The following AIG1 variants were observed in gnomAD, a reference collection of about 807,000 sequenced individuals.
AIG1 encodes androgen-induced gene 1 protein.
In AIG1, 23 loss-of-function variants were observed where a neutral mutation model predicts 31.4. The observed-to-expected ratio is 0.73, with a 90% CI of 0.53 to 1.04. The LOEUF (loss-of-function observed/expected upper bound fraction) is 1.04, where lower values mean the gene tolerates loss of function less well. AIG1 is among the 50% of genes least tolerant of loss of function. The pLI is 0.00. For synonymous variants in AIG1, 100 were observed against 110.5 expected (o/e 0.90, Z 0.60); for missense variants, 274 against 295.0 (o/e 0.93, Z 0.52).
At chr6:143,294,167 C>T (rs1203758943) in intron 4 of AIG1, among the ~76,000 whole-genome samples, 1 of 152,154 alleles carries the variant, frequency 6.6e-6, no homozygotes, top group East Asian at 1.9e-4. Context: ...CCATTCATGC[C>T]CATCACTTCA....
chr6:143,061,553 T>A (rs1388926129), intron 1 of AIG1: 2 of 318,670 alleles, frequency 6.3e-6, no homozygotes, highest in East Asian at 1.6e-4. Flanking sequence ...CAAATCCTTC[T>A]CATAAGGGAG....
intron 3 of AIG1, among the ~76,000 whole-genome samples, chr6:143,260,225 A>G (rs184315352): frequency 1.3e-5 from 2 of 152,026 alleles, no homozygotes; most frequent in Admixed American, 1.3e-4. Context: ...GAGTTTCACC[A>G]TGGTCTTGAT....
chr6:143,088,575 T>G (rs1779014410), intron 1 of AIG1, among the ~76,000 whole-genome samples: 1 of 152,204 alleles, frequency 6.6e-6, no homozygotes, highest in Non-Finnish European at 1.5e-5. Flanking sequence ...CTTCTAGGCC[T>G]GGAGCTTTGA....
At chr6:143,343,150 T>G, downstream of AIG1, 2 of 749,306 alleles carry the variant, frequency 2.7e-6, no homozygotes, top group South Asian at 2.8e-5. Flanking sequence ...TTACTTCCAA[T>G]GTTCACATTC....
In AIG1 at chr6:143,130,706, A is replaced by G. The variant is rs141180110; in HGVS notation, c.142-6129A>G. ...TGCACTCCAGCTTGGGAGACAGAGCAAGACTCTGTCTCAAGAAAAATAAAA... is the reference window on the plus strand; with the variant it reads ...TGCACTCCAGCTTGGGAGACAGAGCGAGACTCTGTCTCAAGAAAAATAAAA... On this transcript the variant is annotated intron_variant, in intron 1 of 5. Coordinates refer to ENST00000357847, the MANE Select transcript of AIG1 (RefSeq NM_016108.4). Among the ~76,000 whole-genome samples the G allele has an allele frequency of 2.9e-3, 449 of 152,264 alleles. 14 individuals are homozygous for G. In the East Asian group the frequency reaches 0.054, roughly 18 times the overall value.
intron 1 of AIG1, among the ~76,000 whole-genome samples, chr6:143,100,690 CTTTT>C (rs35504854): frequency 6.9e-6 from 1 of 145,406 alleles, no homozygotes; most frequent in Non-Finnish European, 1.5e-5. Flanking sequence ...AGTTTATTCT[CTTTT>C]TTTTTTTTTG....
In AIG1 at chr6:143,061,042, G is replaced by A. The variant is rs773417299; in HGVS notation, c.117G>A (p.Trp39Ter). ...CACACCAGACCTACGGAGGGAGCTG[G>A]AAATTCCTGACGTTCATTGATCTGG... ...MPSHQTYGGSWKFLTFIDLVI... is the reference protein window; with the variant it reads ...MPSHQTYGGS The change falls in exon 1 of 6, where the codon TGG (tryptophan) becomes TGA (stop). Residue 39 changes from tryptophan to a stop codon, truncating the protein, a stop_gained. Transcript: ENST00000357847. LOFTEE classifies it high-confidence loss of function. 4 of 1,613,326 alleles carry A rather than the reference G, an allele frequency of 2.5e-6. No individual in the cohort carries two copies. The highest frequency in any genetic ancestry group is 3.4e-6 in the Non-Finnish European group (4 of 1,179,668).
intron 1 of AIG1, among the ~76,000 whole-genome samples, chr6:143,078,347 G>A (rs908165753): frequency 6.6e-6 from 1 of 152,094 alleles, no homozygotes; most frequent in Admixed American, 6.5e-5. Flanking sequence ...TCCACCATTG[G>A]TGTCCTTTTG....
At chr6:143,171,440 ATAATATATATATT>A (rs1186454082) in intron 3 of AIG1, among the ~76,000 whole-genome samples, 56 of 91,398 alleles carry the variant, frequency 6.1e-4, no homozygotes, top group African/African-American at 1.6e-3. Flanking sequence ...TAATATATAT[ATAATATATATATT>A]TAATATATAT....
At chr6:143,206,167 A>G (rs556805467) in intron 3 of AIG1, among the ~76,000 whole-genome samples, 1 of 152,352 alleles carries the variant, frequency 6.6e-6, no homozygotes, top group Admixed American at 6.5e-5. Context: ...CATGGCATAA[A>G]CTGCAGAAAT....
intron 2 of AIG1, among the ~76,000 whole-genome samples, chr6:143,148,845 A>G (rs1005839129): frequency 2.0e-5 from 3 of 151,838 alleles, no homozygotes; most frequent in Non-Finnish European, 4.4e-5. Flanking sequence ...GAGAGAGAAA[A>G]GAGAAAACCA....
At chr6:143,319,642 A>C (rs1468560001) in intron 4 of AIG1, among the ~76,000 whole-genome samples, 1 of 152,184 alleles carries the variant, frequency 6.6e-6, no homozygotes, top group African/African-American at 2.4e-5. Flanking sequence ...AATAATTTTT[A>C]AAAGAAGATA....
chr6:143,120,305 C>T (rs547705730), intron 1 of AIG1, among the ~76,000 whole-genome samples: 3 of 152,256 alleles, frequency 2.0e-5, no homozygotes, highest in African/African-American at 7.2e-5. Context: ...CATAGACAAT[C>T]TGTAAGTTGG....
chr6:143,247,786 A>G (rs747291517), intron 3 of AIG1, among the ~76,000 whole-genome samples: 27 of 152,298 alleles, frequency 1.8e-4, no homozygotes, highest in Non-Finnish European at 3.5e-4. Flanking sequence ...GGATCTCTAA[A>G]CATTTCTCCT....
chr6:143,147,518 G>A (rs1784814424), intron 2 of AIG1, among the ~76,000 whole-genome samples: 1 of 152,042 alleles, frequency 6.6e-6, no homozygotes, highest in African/African-American at 2.4e-5. Flanking sequence ...AGAAGACTCC[G>A]CACTCCCTTG....
intron 3 of AIG1, among the ~76,000 whole-genome samples, chr6:143,223,093 T>C (rs958933802): frequency 6.6e-6 from 1 of 152,212 alleles, no homozygotes; most frequent in Non-Finnish European, 1.5e-5. Context: ...TGGTGGATGT[T>C]TGTGCTCCAC....
rs1252239836 is a variant in AIG1, at chr6:143,060,942, G to A, written c.17G>A (p.Cys6Tyr). ...CTGGCGAACATGGCGCTTGTCCCCT[G>A]CCAGGTGCTGCGGATGGCAATCCTG... MALVP[C>Y]QVLRMAILLS... The change falls in exon 1 of 6, where the codon TGC becomes TAC. Residue 6 changes from cysteine (C) to tyrosine (Y), a missense_variant. By Grantham distance (194) the Cys-to-Tyr change is radical (BLOSUM62 -2). Coordinates refer to ENST00000357847, the MANE Select transcript of AIG1 (RefSeq NM_016108.4). The A allele has an allele frequency of 1.2e-6, 2 of 1,610,892 alleles. No homozygotes were observed. The highest frequency in any genetic ancestry group is 1.7e-6 in the Non-Finnish European group (2 of 1,179,218).
At chr6:143,126,319 A>T (rs965699134) in intron 1 of AIG1, 1 of 152,020 alleles carries the variant, frequency 6.6e-6, no homozygotes, top group Non-Finnish European at 1.5e-5. Context: ...GTGATGATGG[A>T]CTCCCCTGGT....
upstream of AIG1, chr6:143,060,663 G>C: frequency 4.4e-6 from 2 of 456,272 alleles, no homozygotes; most frequent in Non-Finnish European, 9.1e-6. Context: ...GGTGACGAAA[G>C]AGATGACGAC....
Sources: gnomAD v4.1 joint callset for allele counts (sites outside exome capture counted in the v4.1 genomes callset) on GRCh38, gnomAD v4.1.1 for gene constraint, MANE v1.5 for transcripts, NCBI Gene and HGNC (gene_info 2026-07-23, HGNC 2026-07-21) for gene names.